The following USP33 variants were observed in gnomAD, a reference collection of about 807,000 sequenced individuals.
The protein encoded by USP33 is ubiquitin carboxyl-terminal hydrolase 33.
A neutral mutation model predicts 124.2 loss-of-function variants in USP33; 46 were observed. The observed-to-expected ratio is 0.37, with a 90% CI of 0.29 to 0.47. USP33 has a LOEUF of 0.47. Among genes scored for constraint, USP33 ranks in the 20% least tolerant of loss-of-function variants. The pLI is 0.99. For synonymous variants in USP33, 350 were observed against 352.3 expected (o/e 0.99, Z 0.07); for missense variants, 851 against 1,070.6 (o/e 0.79, Z 2.86).
At chr1:77,759,401 GA>G (rs968629020) in intron 1 of USP33, 5 of 392,784 alleles carry the variant, frequency 1.3e-5, no homozygotes, top group African/African-American at 1.0e-4. Context: ...TCAAATCAAC[GA>G]CCGGTTCCCA....
At chr1:77,700,625 T>A (rs560641696) in intron 22 of USP33, among the ~76,000 whole-genome samples, 2 of 152,106 alleles carry the variant, frequency 1.3e-5, no homozygotes, top group South Asian at 4.2e-4. Context: ...TTTAAAATTT[T>A]AAAAAGTAAA....
intron 23 of USP33, 111 bp downstream of exon 23, chr1:77,697,752 G>A: frequency 8.9e-7 from 1 of 1,121,738 alleles, no homozygotes; most frequent in Non-Finnish European, 1.3e-6. Context: ...GTTAATGTAT[G>A]GATTACATTC....
intron 15 of USP33, among the ~76,000 whole-genome samples, chr1:77,720,150 G>T (rs866655945): frequency 3.3e-4 from 30 of 89,616 alleles, no homozygotes; most frequent in Middle Eastern, 0.033. Flanking sequence ...GACAGAATGA[G>T]ACTATGTCTC....
rs1677671007 is a variant in USP33 at position 77,730,398 on chromosome 1, T to C, written c.638+220A>G. Among the ~76,000 whole-genome samples the C allele has an allele frequency of 2.6e-5, 4 of 152,190 alleles. No homozygotes were observed. In the South Asian group the frequency reaches 8.3e-4, roughly 31 times the overall value. ...TTTAACATTCCAACACTATATACTA[T>C]ATCCAAATACTTGTAGACTTCTATG... On this transcript the variant is annotated intron_variant, in intron 8 of 23. Coordinates refer to ENST00000370794, the MANE Select transcript of USP33 (RefSeq NM_201624.3).
chr1:77,752,963 TA>T (rs1211293658), intron 1 of USP33, among the ~76,000 whole-genome samples: 8 of 151,970 alleles, frequency 5.3e-5, no homozygotes, highest in African/African-American at 1.9e-4. Context: ...TCTGTAGTCC[TA>T]GCTAGCTGGG....
chr1:77,753,607 T>C lies in USP33; in HGVS notation c.-52+6036A>G, dbSNP rs1680543900. On this transcript the variant is annotated intron_variant, in intron 1 of 23. Coordinates refer to ENST00000370794, the MANE Select transcript of USP33 (RefSeq NM_201624.3). The stretch of plus-strand genomic sequence containing the variant: ...CTCTCATAGAAAACCTTAAAAGAAA[T>C]AATTTGAAAACTGTATCTTATAAGA... Among the ~76,000 whole-genome samples the C allele has an allele frequency of 2.6e-5, 4 of 151,746 alleles. No individual in the cohort carries two copies. The South Asian group carries it at 8.3e-4, about 31-fold the overall frequency.
intron 5 of USP33, among the ~76,000 whole-genome samples, chr1:77,738,642 G>A (rs147636629): frequency 1.2e-3 from 183 of 151,970 alleles, no homozygotes; most frequent in African/African-American, 4.1e-3. Context: ...CACCACACCC[G>A]GCTAATGTTT....
At chr1:77,751,445 G>A (rs574428226) in intron 1 of USP33, among the ~76,000 whole-genome samples, 202 of 152,162 alleles carry the variant, frequency 1.3e-3, no homozygotes, top group African/African-American at 4.7e-3. Context: ...TTGAACCCAG[G>A]AGTTCAAGAC....
intron 1 of USP33, chr1:77,746,431 C>T (rs1679749147): frequency 6.6e-6 from 1 of 152,226 alleles, no homozygotes; most frequent in South Asian, 2.1e-4. Context: ...GGATTCACAG[C>T]CGAATTCTAC....
At chr1:77,719,245 G>A (rs1022982915) in intron 15 of USP33, among the ~76,000 whole-genome samples, 2 of 152,144 alleles carry the variant, frequency 1.3e-5, no homozygotes, top group African/African-American at 4.8e-5. Flanking sequence ...TGTAGTCCCA[G>A]CTATTCATGA....
chr1:77,701,721 G>A, intron 21 of USP33: 1 of 315,272 alleles, frequency 3.2e-6, no homozygotes, highest in South Asian at 5.0e-5. Context: ...CCAGGCTGGA[G>A]TGCAATGGCA....
intron 11 of USP33, 113 bp from the exon 12 acceptor site, chr1:77,723,556 CTG>C (rs560493324): frequency 1.6e-4 from 110 of 671,914 alleles, no homozygotes; most frequent in Admixed American, 1.2e-3. Context: ...AATCCTTAAA[CTG>C]TAAAAATTAC....
intron 22 of USP33, among the ~76,000 whole-genome samples, chr1:77,698,601 T>C (rs373818916): frequency 1.3e-5 from 2 of 148,212 alleles, no homozygotes; most frequent in South Asian, 2.2e-4. Context: ...CCCAGGTTCA[T>C]GCCATTCTCC....
At chr1:77,759,584 C>G in intron 1 of USP33, 59 bp downstream of exon 1, 1 of 398,164 alleles carries the variant, frequency 2.5e-6, no homozygotes, top group Non-Finnish European at 4.4e-6. Context: ...GAGACCGGAC[C>G]CCGGACGCGA....
Position 77,713,372 on chromosome 1 carries a change from G to C in USP33, c.2216-91C>G, listed in dbSNP as rs370262576. 6.7e-6 allele frequency: 7 copies of C among 1,049,970 alleles called. No homozygotes were observed. The African/African-American group carries it at 1.0e-4, about 15-fold the overall frequency. The allele number at this position is 1,049,970 out of a possible 1,614,324, so 65.0% of individuals were successfully genotyped here. ...ATTTTTTTTTTAACAGTAACTAAAT[G>C]ACAGATCAATCATCATTGTTTTTTT... On this transcript the variant is annotated intron_variant, in intron 19 of 23. Coordinates refer to ENST00000370794, the MANE Select transcript of USP33 (RefSeq NM_201624.3).
chr1:77,757,686 T>C (rs924558566), intron 1 of USP33, among the ~76,000 whole-genome samples: 1 of 152,236 alleles, frequency 6.6e-6, no homozygotes, highest in Non-Finnish European at 1.5e-5. Flanking sequence ...TCTTGTCATA[T>C]GTTATAGTTC....
chr1:77,741,833 T>C, intron 1 of USP33, 85 bp from the exon 2 acceptor site: 1 of 1,228,442 alleles, frequency 8.1e-7, no homozygotes, highest in Admixed American at 3.0e-5. Context: ...AATTAAAATG[T>C]TAACATATTA....
At chr1:77,697,532 C>T (rs1325808982) in intron 23 of USP33, 58 bp from the exon 24 acceptor site, 18 of 1,516,868 alleles carry the variant, frequency 1.2e-5, no homozygotes, top group South Asian at 4.0e-5. Flanking sequence ...ATTGCAAAAG[C>T]GTTCATAATG....
rs1230132286 is a variant in USP33 at position 77,711,839 on chromosome 1, C to T, written c.2314G>A (p.Ala772Thr). Residue 772 changes from alanine (A) to threonine (T), a missense_variant, in exon 21 of 24, where the codon GCT (alanine) becomes ACT (threonine). Coordinates refer to ENST00000370794, the MANE Select transcript of USP33 (RefSeq NM_201624.3). ...TGACAAATGTACAGATGGTTGACAG[C>T]TGGTCCTCCACCATACCTAAAGCAT... ...NLYSRYGGGP[A>T]VNHLYICHTC... The T allele has an allele frequency of 3.1e-6, 5 of 1,603,022 alleles. No homozygotes were observed. The highest frequency in any genetic ancestry group is 4.2e-6 in the Non-Finnish European group (5 of 1,177,008).
Sources: allele counts gnomAD v4.1 joint callset (sites outside exome capture counted in the v4.1 genomes callset), GRCh38; gene constraint gnomAD v4.1.1; transcripts MANE v1.5; gene names NCBI Gene and HGNC (gene_info 2026-07-23, HGNC 2026-07-21).